The following BORCS5 variants were observed in gnomAD, a reference collection of about 807,000 sequenced individuals.
BORCS5 encodes the protein BLOC-1-related complex subunit 5.
Under a neutral mutation model 22.1 loss-of-function variants are expected in BORCS5, and 17 were observed. That is an observed-to-expected ratio of 0.77 (90% CI 0.53 to 1.15). The LOEUF (loss-of-function observed/expected upper bound fraction) is 1.15. BORCS5 is among the 50% of genes most tolerant of loss of function. BORCS5 has a pLI of 0.00. For missense variants in BORCS5, 247 were observed against 253.2 expected (o/e 0.98, Z 0.17); for synonymous variants, 117 against 99.8 (o/e 1.17, Z -1.03).
intron 2 of BORCS5, among the ~76,000 whole-genome samples, chr12:12,376,866 C>T (rs1261223126): frequency 6.6e-6 from 1 of 152,164 alleles, no homozygotes; most frequent in Admixed American, 6.5e-5. Flanking sequence ...CTGCTGCAAC[C>T]TGGTGCAGTC....
At chr12:12,393,680 T>G (rs148364939) in intron 2 of BORCS5, among the ~76,000 whole-genome samples, 1 of 174 alleles carries the variant, frequency 5.7e-3, no homozygotes, top group Non-Finnish European at 9.8e-3. Context: ...CCACCATGCC[T>G]GCCTAAATTT....
intron 2 of BORCS5, among the ~76,000 whole-genome samples, chr12:12,376,920 G>T (rs1863667573): frequency 6.6e-6 from 1 of 152,162 alleles, no homozygotes; most frequent in Non-Finnish European, 1.5e-5. Context: ...TGTAGCACCT[G>T]CATTTCTCAT....
intron 2 of BORCS5, among the ~76,000 whole-genome samples, chr12:12,391,073 T>C (rs1477728898): frequency 3.9e-5 from 6 of 152,000 alleles, no homozygotes; most frequent in Non-Finnish European, 8.8e-5. Context: ...TTGTTCTCTT[T>C]TAAAGTATTG....
chr12:12,418,691 T>G (rs953836635), intron 2 of BORCS5, among the ~76,000 whole-genome samples: 3 of 152,158 alleles, frequency 2.0e-5, no homozygotes, highest in African/African-American at 7.2e-5. Flanking sequence ...TCTTTCAGTA[T>G]AGCTCTTTTG....
intron 2 of BORCS5, among the ~76,000 whole-genome samples, chr12:12,405,141 C>G (rs917050076): frequency 6.6e-6 from 1 of 152,148 alleles, no homozygotes; most frequent in African/African-American, 2.4e-5. Flanking sequence ...GAAAGTGAAC[C>G]TTCAACGAAG....
In BORCS5 at chr12:12,410,452, T is replaced by C. The variant is rs376126139; in HGVS notation, c.203-25176T>C. ...TTTCAGCTTTCTACATATGGCTAGC[T>C]AGTTTTCCCAGCACCATTTATTAAA... On this transcript the variant is annotated intron_variant, in intron 2 of 3. Coordinates refer to ENST00000314565, the MANE Select transcript of BORCS5 (RefSeq NM_058169.6). 2.5e-3 allele frequency among the ~76,000 whole-genome samples: 384 copies of C among 151,946 alleles called. 1 individual carries two copies. Among genetic ancestry groups the C allele is most frequent in the African/African-American group, 8.2e-3 (341 of 41,344 alleles).
chr12:12,387,239 G>A (rs1863902979), intron 2 of BORCS5, among the ~76,000 whole-genome samples: 2 of 151,266 alleles, frequency 1.3e-5, no homozygotes, highest in African/African-American at 4.9e-5. Context: ...ACCATAGACT[G>A]TCTATCCATT....
chr12:12,455,835 A>T (rs1006591459), intron 3 of BORCS5, among the ~76,000 whole-genome samples: 1 of 151,258 alleles, frequency 6.6e-6, no homozygotes, highest in Admixed American at 6.6e-5. Context: ...TTTTGTTTTT[A>T]ACATTTCTTT....
At chr12:12,398,418 T>G (rs1344745515) in intron 2 of BORCS5, among the ~76,000 whole-genome samples, 1 of 152,108 alleles carries the variant, frequency 6.6e-6, no homozygotes. Context: ...ATAATTAATA[T>G]GTAATCAAAG....
chr12:12,420,208 G>A (rs1193947014), intron 2 of BORCS5, among the ~76,000 whole-genome samples: 1 of 146,400 alleles, frequency 6.8e-6, no homozygotes, highest in Non-Finnish European at 1.5e-5. Context: ...AATCCATTTT[G>A]AATTAATTTT....
chr12:12,461,732 G>A (rs927466078), intron 3 of BORCS5, among the ~76,000 whole-genome samples: 7 of 152,140 alleles, frequency 4.6e-5, no homozygotes, highest in African/African-American at 1.7e-4. Flanking sequence ...GTGAAGAAGA[G>A]AAGCAACAAA....
intron 3 of BORCS5, among the ~76,000 whole-genome samples, chr12:12,460,649 A>G (rs1353928668): frequency 1.3e-5 from 2 of 152,192 alleles, no homozygotes; most frequent in African/African-American, 4.8e-5. Flanking sequence ...CAGGTTGAGG[A>G]AGTTTCCTTC....
intron 3 of BORCS5, among the ~76,000 whole-genome samples, chr12:12,459,265 T>C (rs1272232873): frequency 1.3e-5 from 2 of 152,154 alleles, no homozygotes; most frequent in East Asian, 3.9e-4. Flanking sequence ...TATTTTATGG[T>C]TAACACTTTT....
chr12:12,427,211 C>T (rs11054902), intron 2 of BORCS5, among the ~76,000 whole-genome samples: 36,115 of 124,966 alleles, frequency 0.29, 5,906 homozygotes, highest in Middle Eastern at 0.4. Flanking sequence ...GTGGGAGTCT[C>T]GCACTCTCGT....
chr12:12,445,529 CTTTTTTTTTTT>C (rs56356376), intron 3 of BORCS5, among the ~76,000 whole-genome samples: 2 of 39,010 alleles, frequency 5.1e-5, no homozygotes, highest in African/African-American at 1.6e-4. Flanking sequence ...TTTGAAATAC[CTTTTTTTTTTT>C]TTTTTTTTTT....
intron 3 of BORCS5, chr12:12,436,020 C>T: frequency 2.3e-6 from 1 of 431,164 alleles, no homozygotes; most frequent in Non-Finnish European, 4.1e-6. Flanking sequence ...TCTCAGTTTC[C>T]TCATGTGAAA....
intron 2 of BORCS5, among the ~76,000 whole-genome samples, chr12:12,425,005 A>G (rs1942243336): frequency 6.6e-6 from 1 of 152,178 alleles, no homozygotes; most frequent in Non-Finnish European, 1.5e-5. Flanking sequence ...AGGTGCAACA[A>G]CAGTGATTAC....
At position 12,362,636 on chromosome 12, in the gene BORCS5, C is replaced by CTTTTTTTT. The variant is rs71436712; in HGVS notation, c.202+1306_202+1313dup. On this transcript the variant is annotated intron_variant, in intron 2 of 3. Coordinates refer to ENST00000314565, the MANE Select transcript of BORCS5 (RefSeq NM_058169.6). ...CAACACATTATATCATGTTACTCATCTTTTTTTTTTTTTTTTTTTTTTTTT... is the reference window on the plus strand; with the variant it reads ...CAACACATTATATCATGTTACTCATCTTTTTTTTTTTTTTTTTTTTTTTTTTTTTTTTT... 6.9e-4 allele frequency among the ~76,000 whole-genome samples: 40 copies of CTTTTTTTT among 57,578 alleles called. 5 individuals carry two copies. Among genetic ancestry groups the CTTTTTTTT allele is most frequent in the Non-Finnish European group, 1.1e-3 (32 of 29,472 alleles). 37.8% of individuals were successfully genotyped at this position (57,578 alleles called of 152,430 possible). A position where few individuals can be genotyped will look rare whatever the true frequency, so the allele number is the denominator to read the frequency against.
At chr12:12,358,582 C>T (rs544938020) in intron 1 of BORCS5, among the ~76,000 whole-genome samples, 1 of 152,306 alleles carries the variant, frequency 6.6e-6, no homozygotes, top group South Asian at 2.1e-4. Context: ...TAGGGGGAAG[C>T]GGTGTGGCAT....
Sources: allele counts gnomAD v4.1 joint callset (sites outside exome capture counted in the v4.1 genomes callset), GRCh38; gene constraint gnomAD v4.1.1; transcripts MANE v1.5; gene names NCBI Gene and HGNC (gene_info 2026-07-23, HGNC 2026-07-21).